The following TNFSF15 variants were observed in gnomAD, a reference collection of about 807,000 sequenced individuals.
TNFSF15 encodes the protein tumor necrosis factor ligand superfamily member 15.
Under a neutral mutation model 26.4 loss-of-function variants are expected in TNFSF15, and 15 were observed. That is an observed-to-expected ratio of 0.57 (90% CI 0.38 to 0.87). The LOEUF (loss-of-function observed/expected upper bound fraction) is 0.87, where lower values mean the gene tolerates loss of function less well. TNFSF15 is among the 40% of genes least tolerant of loss of function. TNFSF15 has a pLI of 0.00. For missense variants in TNFSF15, 290 were observed against 306.1 expected (o/e 0.95, Z 0.39); for synonymous variants, 116 against 115.0 (o/e 1.01, Z -0.06).
rs1829559978 is a variant in TNFSF15, at chr9:114,789,552, G to A, written c.*900C>T. 1 of 152,258 alleles carries A rather than the reference G, an allele frequency of 6.6e-6. No homozygotes were observed. Among genetic ancestry groups the A allele is most frequent in the African/African-American group, 2.4e-5 (1 of 41,428 alleles). The allele number at this position is 152,258 out of a possible 1,614,324, so 9.4% of individuals were successfully genotyped here. On this transcript the variant is annotated 3_prime_UTR_variant, in exon 4 of 4. Transcript: ENST00000374045. ...TGGTCTTGAACTCCCGGCCTTAGAT[G>A]ATCCACCCACCTTGGCCTCCCAAAG...
intron 1 of TNFSF15, among the ~76,000 whole-genome samples, chr9:114,801,933 C>T (rs989473285): frequency 6.6e-6 from 1 of 152,212 alleles, no homozygotes; most frequent in Non-Finnish European, 1.5e-5. Flanking sequence ...AGAATTACTA[C>T]TTTCTTTTGT....
chr9:114,799,605 T>C (rs951511107), intron 1 of TNFSF15, among the ~76,000 whole-genome samples: 1 of 152,150 alleles, frequency 6.6e-6, no homozygotes, highest in Non-Finnish European at 1.5e-5. Flanking sequence ...CCCCACCCAC[T>C]TCACATCCCC....
At position 114,805,912 on chromosome 9, in the gene TNFSF15, C is replaced by G. The variant is rs201981566; in HGVS notation, c.101G>C (p.Arg34Pro). 1 of 1,613,990 alleles carries G rather than the reference C, an allele frequency of 6.2e-7. No homozygotes were observed. Among genetic ancestry groups the G allele is most frequent in the African/African-American group, 1.3e-5 (1 of 74,940 alleles). The change falls in exon 1 of 4, where the codon CGC (arginine) becomes CCC (proline). Residue 34 changes from arginine (R) to proline (P), a missense_variant. By Grantham distance (103) the Arg-to-Pro change is moderately radical. This residue lies in a region of TNFSF15 where 179 missense variants were observed against 165.9 expected (regional missense o/e 1.08). Coordinates refer to ENST00000374045, the MANE Select transcript of TNFSF15 (RefSeq NM_005118.4). The part of the protein sequence containing the change: ...CRPKARSSSA[R>P]WALTCCLVLL... The stretch of plus-strand genomic sequence containing the variant: ...CACCAGGCAGCAGGTGAGAGCCCAG[C>G]GTGCGCTGCTGCTCCTGGCCTTGGG...
chr9:114,788,870 A>G lies in TNFSF15; in HGVS notation c.*1582T>C, dbSNP rs1288109568. The G allele has an allele frequency of 1.3e-5, 2 of 152,244 alleles. No individual in the cohort carries two copies. Among genetic ancestry groups the G allele is most frequent in the East Asian group, 1.9e-4 (1 of 5,204 alleles). The allele number at this position is 152,244 out of a possible 1,614,324, so 9.4% of individuals were successfully genotyped here. On this transcript the variant is annotated 3_prime_UTR_variant, in exon 4 of 4. Transcript: ENST00000374045. ...TGCCCTTGACATATTAGCGTAGGAAAATCATACGGACTAGAGGATATGAAC... is the reference window on the plus strand; with the variant it reads ...TGCCCTTGACATATTAGCGTAGGAAGATCATACGGACTAGAGGATATGAAC...
intron 2 of TNFSF15, among the ~76,000 whole-genome samples, chr9:114,792,748 T>C (rs1829623550): frequency 6.6e-6 from 1 of 152,224 alleles, no homozygotes; most frequent in South Asian, 2.1e-4. Flanking sequence ...TCATCTAAGA[T>C]GGGCACAGTA....
intron 1 of TNFSF15, among the ~76,000 whole-genome samples, chr9:114,803,764 G>A (rs1829778683): frequency 6.6e-6 from 1 of 152,198 alleles, no homozygotes; most frequent in Non-Finnish European, 1.5e-5. Flanking sequence ...TTTCTCCCCA[G>A]AGCCCTTAGG....
At position 114,805,857 on chromosome 9, in the gene TNFSF15, T is replaced by C. The variant is rs1829814337; in HGVS notation, c.156A>G (p.Thr52=). 6.2e-7 allele frequency: 1 copy of C among 1,613,816 alleles called. No individual in the cohort carries two copies. Among genetic ancestry groups the C allele is most frequent in the South Asian group, 1.1e-5 (1 of 91,072 alleles). Reference sequence around the variant, plus strand: ...CCCGGAGCTGGCTGACAAGCAGGTATGTGGTGAGTCCTGCAAGGAAGGGGA... The same window carrying C: ...CCCGGAGCTGGCTGACAAGCAGGTACGTGGTGAGTCCTGCAAGGAAGGGGA... The part of the protein sequence containing the change: ...VLLPFLAGLT[T]YLLVSQLRAQ... Residue 52 remains threonine, a synonymous_variant, in exon 1 of 4, where the codon ACA becomes ACG. Transcript: ENST00000374045.
At chr9:114,797,985 A>G (rs7847158) in intron 1 of TNFSF15, among the ~76,000 whole-genome samples, 35,476 of 152,136 alleles carry the variant, frequency 0.23, 4,466 homozygotes, top group South Asian at 0.28. Flanking sequence ...CATCAGGAAG[A>G]CAGAGGCAGA....
At chr9:114,802,494 G>T (rs564700565) in intron 1 of TNFSF15, among the ~76,000 whole-genome samples, 2 of 152,094 alleles carry the variant, frequency 1.3e-5, no homozygotes, top group East Asian at 1.9e-4. Context: ...CTCGTGATCC[G>T]CCTGCCTCAG....
chr9:114,785,843 G>A lies in TNFSF15; in HGVS notation c.*4609C>T, dbSNP rs1425583046. 2 of 152,222 alleles carry A rather than the reference G, an allele frequency of 1.3e-5. No homozygotes were observed. Among genetic ancestry groups the A allele is most frequent in the Non-Finnish European group, 2.9e-5 (2 of 68,062 alleles). 9.4% of individuals were successfully genotyped at this position (152,222 alleles called of 1,614,324 possible). ...CTATTTGCGATGAGTAGAGAGGTTA[G>A]AAGAGTCCAGGATTATGGTTCAGGA... On this transcript the variant is annotated 3_prime_UTR_variant, in exon 4 of 4. Transcript: ENST00000374045.
In TNFSF15 at chr9:114,785,131, A is replaced by G. The variant is rs905144012; in HGVS notation, c.*5321T>C. On this transcript the variant is annotated 3_prime_UTR_variant, in exon 4 of 4. Transcript: ENST00000374045. The stretch of plus-strand genomic sequence containing the variant: ...ATGCTCAAAACAAAAATGATTTACG[A>G]ATGAAGTTGAAAGACTGCTGGGCTT... 2 of 152,214 alleles carry G rather than the reference A, an allele frequency of 1.3e-5. No individual in the cohort carries two copies. The highest frequency in any genetic ancestry group is 1.3e-4 in the Admixed American group (2 of 15,262). The allele number at this position is 152,214 out of a possible 1,614,324, so 9.4% of individuals were successfully genotyped here.
At chr9:114,791,284 A>C in intron 3 of TNFSF15, 1 of 340,476 alleles carries the variant, frequency 2.9e-6, no homozygotes, top group African/African-American at 2.1e-5. Flanking sequence ...CTCAGATAAA[A>C]CTCATCGATG....
rs1564341707 is a variant in TNFSF15 at position 114,784,848 on chromosome 9, G to T, written c.*5604C>A. ...TTTTAACATAAAACATAAAATCAAT[G>T]AAAGCACATGGGGTTTGTCACTAAA... On this transcript the variant is annotated 3_prime_UTR_variant, in exon 4 of 4. Coordinates refer to ENST00000374045, the MANE Select transcript of TNFSF15 (RefSeq NM_005118.4). 1 of 152,202 alleles carries T rather than the reference G, an allele frequency of 6.6e-6. No individual in the cohort carries two copies. The highest frequency in any genetic ancestry group is 1.5e-5 in the Non-Finnish European group (1 of 68,016). The allele number at this position is 152,202 out of a possible 1,614,324, so 9.4% of individuals were successfully genotyped here.
chr9:114,791,783 A>C (rs560755502), intron 3 of TNFSF15: 12 of 167,746 alleles, frequency 7.2e-5, no homozygotes, highest in African/African-American at 2.9e-4. Context: ...ATTTCTCTTG[A>C]TTTCTATATA....
rs1171009705 is a variant in TNFSF15, at chr9:114,786,190, C to A, written c.*4262G>T. 6.6e-6 allele frequency: 1 copy of A among 152,222 alleles called. No homozygotes were observed. Among genetic ancestry groups the A allele is most frequent in the Non-Finnish European group, 1.5e-5 (1 of 68,042 alleles). 9.4% of individuals were successfully genotyped at this position (152,222 alleles called of 1,614,324 possible). ...TGTTAATATCCAGGATAAGGATGTA[C>A]ACTTGAAAATTCTGCTACAAATATC... On this transcript the variant is annotated 3_prime_UTR_variant, in exon 4 of 4. Transcript: ENST00000374045.
chr9:114,787,724 T>C lies in TNFSF15; in HGVS notation c.*2728A>G, dbSNP rs1408486929. On this transcript the variant is annotated 3_prime_UTR_variant, in exon 4 of 4. Coordinates refer to ENST00000374045, the MANE Select transcript of TNFSF15 (RefSeq NM_005118.4). ...TGCCTTGGGAACAGAAGTTCTGACA[T>C]GAGCCCTATTAGGAATGTCTGACTG... 6.5e-6 allele frequency: 1 copy of C among 153,758 alleles called. No individual in the cohort carries two copies. Among genetic ancestry groups the C allele is most frequent in the Non-Finnish European group, 1.5e-5 (1 of 68,040 alleles). 9.5% of individuals were successfully genotyped at this position (153,758 alleles called of 1,614,324 possible).
At chr9:114,793,414 C>T (rs1029470632) in intron 2 of TNFSF15, 112 bp downstream of exon 2, 4 of 1,312,254 alleles carry the variant, frequency 3.0e-6, no homozygotes, top group Non-Finnish European at 4.3e-6. Flanking sequence ...ATTTGCATCC[C>T]TCAGCTTAGC....
chr9:114,795,214 TA>T, intron 1 of TNFSF15, among the ~76,000 whole-genome samples: 1 of 152,090 alleles, frequency 6.6e-6, no homozygotes, highest in East Asian at 1.9e-4. Context: ...TTTATGATAT[TA>T]AAAAAAGCCT....
intron 1 of TNFSF15, among the ~76,000 whole-genome samples, chr9:114,795,614 T>G (rs565654964): frequency 6.6e-6 from 1 of 152,334 alleles, no homozygotes; most frequent in East Asian, 1.9e-4. Context: ...TACTATGCCA[T>G]TTTATATCAA....
Sources: gnomAD v4.1 joint callset for allele counts (sites outside exome capture counted in the v4.1 genomes callset) on GRCh38, gnomAD v4.1.1 for gene constraint, gnomAD v4.1.1 regional missense constraint, MANE v1.5 for transcripts, NCBI Gene and HGNC (gene_info 2026-07-23, HGNC 2026-07-21) for gene names.